FAM25A: variants seen among roughly 807,000 people sequenced by gnomAD.
FAM25A encodes the protein family with sequence similarity 25 member A, also known as protein FAM25A.
FAM25A carries 5 observed loss-of-function variants against 6.6 expected under a neutral mutation model. The observed-to-expected ratio is 0.75, with a 90% CI of 0.39 to 1.59. FAM25A has a LOEUF of 1.59. FAM25A is among the 40% of genes most tolerant of loss of function. The pLI is 0.02. For missense variants in FAM25A, 93 were observed against 109.7 expected (o/e 0.85, Z 0.68); for synonymous variants, 36 against 41.3 (o/e 0.87, Z 0.49).
intron 1 of FAM25A, among the ~76,000 whole-genome samples, chr10:87,021,500 T>G (rs565035793): frequency 9.3e-4 from 142 of 152,376 alleles, no homozygotes; most frequent in Non-Finnish European, 1.5e-3. Context: ...CACCTGTTTC[T>G]TTGTTAGATC....
intron 1 of FAM25A, among the ~76,000 whole-genome samples, chr10:87,021,328 G>C (rs1403924385): frequency 6.6e-6 from 1 of 152,220 alleles, no homozygotes; most frequent in Non-Finnish European, 1.5e-5. Flanking sequence ...TCTGAGTTTT[G>C]TATGATTCCT....
rs3802668 is a variant in FAM25A, at chr10:87,022,394, C to T, written c.136+18C>T. 0.44 allele frequency: 677,058 copies of T among 1,546,102 alleles called. 151,306 individuals carry two copies. Among genetic ancestry groups the T allele is most frequent in the East Asian group, 0.72 (29,292 of 40,870 alleles). The stretch of plus-strand genomic sequence containing the variant: ...AGAGAAAGGTACAGCTGGCTGAGGT[C>T]GGGCAGGGAAGGAGGGAGGGAGCAA... On this transcript the variant is annotated intron_variant, in intron 2 of 2. Coordinates refer to ENST00000343959, the MANE Select transcript of FAM25A (RefSeq NM_001146157.3).
Position 87,020,462 on chromosome 10 carries a change from G to A in FAM25A, c.73+65G>A. On this transcript the variant is annotated intron_variant, in intron 1 of 2. Coordinates refer to ENST00000343959, the MANE Select transcript of FAM25A (RefSeq NM_001146157.3). ...TCTGGGGCAGACTGGGTCTGTGGGA[G>A]GCGGATCTAAGTAGGCAGGTGAGGA... 6.5e-6 allele frequency: 10 copies of A among 1,536,550 alleles called. No homozygotes were observed. The South Asian group carries it at 1.2e-4, about 18-fold the overall frequency.
rs529395860 is a variant in FAM25A at position 87,024,600 on chromosome 10, A to G, written c.196A>G (p.Thr66Ala). ...AGGGGACAAAAAGATGAAGGAAATC[A>G]CTGAGACAGTGACCAACACAGTCAC... is the stretch of plus-strand genomic sequence containing the variant. ...ESGDKKMKEITETVTNTVTNA... is the reference protein window; with the variant it reads ...ESGDKKMKEIAETVTNTVTNA... The change falls in exon 3 of 3, where the codon ACT (threonine) becomes GCT (alanine). Residue 66 changes from threonine (T) to alanine (A), a missense_variant. Physicochemically the swap from Thr to Ala is moderately conservative, Grantham distance 58. Coordinates refer to ENST00000343959, the MANE Select transcript of FAM25A (RefSeq NM_001146157.3). The G allele has an allele frequency of 1.3e-5, 20 of 1,535,806 alleles. No individual in the cohort carries two copies. In the East Asian group the frequency reaches 4.4e-4, roughly 34 times the overall value.
In FAM25A at chr10:87,022,354, C is replaced by T. The variant is rs61857037; in HGVS notation, c.114C>T (p.His38=). The T allele has an allele frequency of 0.097, 150,845 of 1,548,206 alleles. 8,024 individuals are homozygous for T. The highest frequency in any genetic ancestry group is 0.19 in the Admixed American group (9,537 of 50,946). ...AAGTGGTGAAGGAGGTGGTGGGACA[C>T]GCCAAGGAGACTGGAGAGAAAGGTA... ...VEEVVKEVVG[H]AKETGEKAIA... The change falls in exon 2 of 3, where the codon CAC becomes CAT. Residue 38 remains histidine (H), a synonymous_variant. Transcript: ENST00000343959.
At position 87,024,691 on chromosome 10, in the gene FAM25A, G is replaced by A. The variant is rs761951578; in HGVS notation, c.*17G>A. ...GGACAGTGAGTGCACCTGCTACCAC[G>A]GCCCTTCCCCAGTCTCAATAAAAAG... is the stretch of plus-strand genomic sequence containing the variant. On this transcript the variant is annotated 3_prime_UTR_variant, in exon 3 of 3. Coordinates refer to ENST00000343959, the MANE Select transcript of FAM25A (RefSeq NM_001146157.3). 63 of 1,535,698 alleles carry A rather than the reference G, an allele frequency of 4.1e-5. No individual in the cohort carries two copies. In the South Asian group the frequency reaches 6.1e-4, roughly 15 times the overall value.
intron 1 of FAM25A, 133 bp downstream of exon 1, chr10:87,020,530 C>G: frequency 8.2e-7 from 1 of 1,213,032 alleles, no homozygotes; most frequent in Middle Eastern, 2.9e-4. Flanking sequence ...TGGTCCCCTG[C>G]TCTACCAAGT....
intron 2 of FAM25A, among the ~76,000 whole-genome samples, chr10:87,024,104 C>T (rs1358774441): frequency 2.0e-5 from 3 of 151,016 alleles, no homozygotes; most frequent in South Asian, 2.1e-4. Flanking sequence ...AAAATCAGCG[C>T]CATAAAGGAA....
chr10:87,024,523 C>A lies in FAM25A; in HGVS notation c.137-18C>A, dbSNP rs1292248566. The A allele has an allele frequency of 3.9e-6, 6 of 1,535,704 alleles. No individual in the cohort carries two copies. In the African/African-American group the frequency reaches 8.2e-5, roughly 21 times the overall value. On this transcript the variant is annotated intron_variant, in intron 2 of 2. Coordinates refer to ENST00000343959, the MANE Select transcript of FAM25A (RefSeq NM_001146157.3). ...GCGGGTGGATCACTAGGACATTCTT[C>A]CTCTTTCTTTCCAACAGCCATTGCT...
At chr10:87,024,003 G>A (rs961639711) in intron 2 of FAM25A, among the ~76,000 whole-genome samples, 1 of 151,984 alleles carries the variant, frequency 6.6e-6, no homozygotes, top group African/African-American at 2.4e-5. Context: ...AGTTTTGAGG[G>A]GGAAGACATC....
rs1301853217 is a variant in FAM25A, at chr10:87,022,510, G to A, written c.136+134G>A. 46 of 1,048,512 alleles carry A rather than the reference G, an allele frequency of 4.4e-5. No homozygotes were observed. The East Asian group carries it at 1.1e-3, about 25-fold the overall frequency. The allele number at this position is 1,048,512 out of a possible 1,614,324, so 65.0% of individuals were successfully genotyped here. On this transcript the variant is annotated intron_variant, in intron 2 of 2. Transcript: ENST00000343959. ...CAGCCTTTCAGAGCCTCTTGGCTGG[G>A]GCAGTTATCTATGCTCATCAGAGGC...
intron 1 of FAM25A, among the ~76,000 whole-genome samples, chr10:87,021,476 C>G (rs1051409948): frequency 6.6e-6 from 1 of 152,190 alleles, no homozygotes. Flanking sequence ...TCCTTTCAAC[C>G]GCCACATCCT....
intron 1 of FAM25A, among the ~76,000 whole-genome samples, chr10:87,021,296 C>A: frequency 6.6e-6 from 1 of 152,204 alleles, no homozygotes; most frequent in East Asian, 1.9e-4. Context: ...TGTGGACCAC[C>A]TGCTTTAACC....
chr10:87,020,532 C>T, intron 1 of FAM25A, 135 bp downstream of exon 1: 1 of 1,200,810 alleles, frequency 8.3e-7, no homozygotes, highest in East Asian at 2.6e-5. Flanking sequence ...GTCCCCTGCT[C>T]TACCAAGTCA....
intron 2 of FAM25A, among the ~76,000 whole-genome samples, chr10:87,023,958 TATC>T (rs1302887500): frequency 6.6e-6 from 1 of 152,100 alleles, no homozygotes; most frequent in Admixed American, 6.5e-5. Context: ...CACCTCTTAA[TATC>T]ATTACATTAA....
At chr10:87,023,805 AGGAAG>A (rs1224198586) in intron 2 of FAM25A, among the ~76,000 whole-genome samples, 1 of 152,096 alleles carries the variant, frequency 6.6e-6, no homozygotes, top group Admixed American at 6.6e-5. Context: ...TCCAAGATCA[AGGAAG>A]GCACTGGCAG....
intron 2 of FAM25A, among the ~76,000 whole-genome samples, chr10:87,023,306 G>A (rs1275614703): frequency 6.6e-6 from 1 of 152,154 alleles, no homozygotes; most frequent in Non-Finnish European, 1.5e-5. Flanking sequence ...TATGTACAAA[G>A]CATATGTATA....
intron 1 of FAM25A, among the ~76,000 whole-genome samples, chr10:87,021,117 C>T (rs1428464667): frequency 2.0e-5 from 3 of 152,192 alleles, no homozygotes; most frequent in East Asian, 1.9e-4. Flanking sequence ...CGTGAACCAC[C>T]GCACCTGGTC....
chr10:87,023,653 G>A (rs533106589), intron 2 of FAM25A, among the ~76,000 whole-genome samples: 3 of 152,282 alleles, frequency 2.0e-5, no homozygotes, highest in Middle Eastern at 3.4e-3. Context: ...CCTGGGAGGC[G>A]GAGGTTGCAG....
Sources: gnomAD v4.1 joint callset for allele counts (sites outside exome capture counted in the v4.1 genomes callset) on GRCh38, gnomAD v4.1.1 for gene constraint, MANE v1.5 for transcripts, NCBI Gene and HGNC (gene_info 2026-07-23, HGNC 2026-07-21) for gene names.